Variants in FRMD3 observed in about 807,000 individuals in gnomAD.
The protein encoded by FRMD3 is FERM domain-containing protein 3.
Under a neutral mutation model 70.2 loss-of-function variants are expected in FRMD3, and 33 were observed. The observed-to-expected ratio is 0.47, with a 90% confidence interval of 0.36 to 0.63. FRMD3 has a LOEUF of 0.63. Ranked by LOEUF, FRMD3 falls within the 20% of genes least tolerant of loss-of-function variation. The pLI is 0.00. For synonymous variants in FRMD3, 279 were observed against 255.9 expected, an observed-to-expected ratio of 1.09 and a Z score of -0.86; for missense variants, 632 against 711.4, an observed-to-expected ratio of 0.89 and a Z score of 1.27.
the FRMD3 span, among the ~76,000 whole-genome samples, chr9:83,559,675 C>T: frequency 2.6e-5 from 4 of 152,050 alleles, no homozygotes; most frequent in African/African-American, 4.8e-5. Context: ...GACAAACTTC[C>T]GCAGGACTTG....
chr9:83,246,053 T>C lies in FRMD3; in HGVS notation c.*1865A>G, dbSNP rs1274148818. ...TATAGTCATTTGCTCGACTGCAGGC[T>C]TCACGAACTGAGTTTCAAAACTCAT... On this transcript the variant is annotated 3_prime_UTR_variant, in exon 14 of 14. Coordinates refer to ENST00000304195, the MANE Select transcript of FRMD3 (RefSeq NM_174938.6). The C allele has an allele frequency of 2.0e-6, 2 of 985,278 alleles. No individual in the cohort carries two copies. The highest frequency in any genetic ancestry group is 1.7e-5 in the African/African-American group (1 of 57,216). 61.0% of individuals were successfully genotyped at this position (985,278 alleles called of 1,614,324 possible). A position where few individuals can be genotyped will look rare whatever the true frequency, so the allele number is the denominator to read the frequency against.
chr9:83,421,034 A>G (rs6559724), intron 1 of FRMD3, among the ~76,000 whole-genome samples: 82,985 of 144,502 alleles, frequency 0.57, 24,504 homozygotes, highest in African/African-American at 0.77. Context: ...TCCGCCTCCC[A>G]GGTTCACGCC....
At chr9:83,265,104 A>G (rs1376766343) in intron 13 of FRMD3, among the ~76,000 whole-genome samples, 1 of 152,196 alleles carries the variant, frequency 6.6e-6, no homozygotes, top group Non-Finnish European at 1.5e-5. Flanking sequence ...TGTGCATATA[A>G]AAAGTGCCCG....
chr9:83,467,160 T>A (rs1324315906), intron 1 of FRMD3, among the ~76,000 whole-genome samples: 1 of 152,240 alleles, frequency 6.6e-6, no homozygotes, highest in East Asian at 1.9e-4. Flanking sequence ...ACAGAAAACA[T>A]TCATGGTAAA....
intron 1 of FRMD3, among the ~76,000 whole-genome samples, chr9:83,530,716 A>G (rs532392109): frequency 6.6e-6 from 1 of 152,184 alleles, no homozygotes; most frequent in Non-Finnish European, 1.5e-5. Flanking sequence ...TTTTTTTAAT[A>G]GCATGGACTC....
At chr9:83,295,813 C>A (rs553480657) in intron 12 of FRMD3, among the ~76,000 whole-genome samples, 10 of 152,348 alleles carry the variant, frequency 6.6e-5, no homozygotes, top group Admixed American at 1.3e-4. Flanking sequence ...CTGGAACAGG[C>A]AGATGATTGT....
At chr9:83,249,679 C>T (rs550368868) in intron 13 of FRMD3, among the ~76,000 whole-genome samples, 2 of 152,252 alleles carry the variant, frequency 1.3e-5, no homozygotes, top group South Asian at 4.2e-4. Flanking sequence ...TACAAAAGGT[C>T]AACAAGCACA....
chr9:83,551,241 T>G, the FRMD3 span, among the ~76,000 whole-genome samples: 1 of 152,140 alleles, frequency 6.6e-6, no homozygotes, highest in Non-Finnish European at 1.5e-5. Flanking sequence ...AATCATATGG[T>G]TTTTGCTTTA....
At chr9:83,551,902 A>AT in the FRMD3 span, among the ~76,000 whole-genome samples, 7 of 139,266 alleles carry the variant, frequency 5.0e-5, no homozygotes, top group Admixed American at 1.4e-4. Context: ...TATTTCATTG[A>AT]TTTTTTTCAA....
In FRMD3 at chr9:83,247,306, A is replaced by G. The variant is rs1694812648; in HGVS notation, c.*612T>C. The G allele has an allele frequency of 1.0e-6, 1 of 984,988 alleles. No homozygotes were observed. Among genetic ancestry groups the G allele is most frequent in the Non-Finnish European group, 1.2e-6 (1 of 829,646 alleles). 61.0% of individuals were successfully genotyped at this position (984,988 alleles called of 1,614,324 possible). On this transcript the variant is annotated 3_prime_UTR_variant, in exon 14 of 14. Transcript: ENST00000304195. ...ATATTTTTAAAAACAAAGTAGCGCC[A>G]AAACATTAAAAAAATTCTGATATAC...
In FRMD3 at chr9:83,337,457, C is replaced by G. The variant is rs79127911; in HGVS notation, c.473-1818G>C. Among the ~76,000 whole-genome samples the G allele has an allele frequency of 3.3e-3, 498 of 152,236 alleles. 4 individuals are homozygous for G. The highest frequency in any genetic ancestry group is 0.012 in the African/African-American group (486 of 41,540). On this transcript the variant is annotated intron_variant, in intron 5 of 13. Transcript: ENST00000304195. ...GCCAAGCAGAGATGGGTGTGTGAAC[C>G]ACAGCATGGAGGGGCAAAGGTGATG...
At chr9:83,264,142 C>G (rs1833119705) in intron 13 of FRMD3, among the ~76,000 whole-genome samples, 1 of 152,080 alleles carries the variant, frequency 6.6e-6, no homozygotes, top group African/African-American at 2.4e-5. Context: ...TTATTCAGTG[C>G]TAAGAAATGC....
chr9:83,528,096 G>A (rs1488004698), intron 1 of FRMD3, among the ~76,000 whole-genome samples: 2 of 152,070 alleles, frequency 1.3e-5, no homozygotes, highest in African/African-American at 2.4e-5. Flanking sequence ...GATTCAAATG[G>A]TTTACAGTTT....
chr9:83,571,714 C>T, the FRMD3 span, among the ~76,000 whole-genome samples: 1 of 152,214 alleles, frequency 6.6e-6, no homozygotes, highest in South Asian at 2.1e-4. Flanking sequence ...TTCTAGCCTT[C>T]CTGTCTTGCT....
chr9:83,334,486 T>C (rs566124073), intron 6 of FRMD3, among the ~76,000 whole-genome samples: 1 of 152,328 alleles, frequency 6.6e-6, no homozygotes, highest in Admixed American at 6.5e-5. Context: ...GGGACAGTTG[T>C]CTGTTCCAGA....
At chr9:83,271,882 C>T (rs1833566123) in intron 13 of FRMD3, among the ~76,000 whole-genome samples, 1 of 152,196 alleles carries the variant, frequency 6.6e-6, no homozygotes, top group Non-Finnish European at 1.5e-5. Flanking sequence ...CCACTGTTCT[C>T]AGTAGCTCTA....
At chr9:83,289,939 T>C (rs1375655307) in intron 13 of FRMD3, among the ~76,000 whole-genome samples, 1 of 152,178 alleles carries the variant, frequency 6.6e-6, no homozygotes, top group Non-Finnish European at 1.5e-5. Context: ...ACACACATAT[T>C]ATTATTATCT....
At chr9:83,491,439 A>G (rs1415964403) in intron 1 of FRMD3, among the ~76,000 whole-genome samples, 1 of 152,200 alleles carries the variant, frequency 6.6e-6, no homozygotes, top group Admixed American at 6.5e-5. Flanking sequence ...CTCCTCCAGC[A>G]CATACCTGAG....
chr9:83,353,199 T>C (rs577999853), intron 3 of FRMD3, among the ~76,000 whole-genome samples: 1 of 146,746 alleles, frequency 6.8e-6, no homozygotes, highest in East Asian at 2.0e-4. Flanking sequence ...TCTGTCACAG[T>C]GATCCAGGAG....
Sources: gnomAD v4.1 joint callset for allele counts (sites outside exome capture counted in the v4.1 genomes callset) on GRCh38, gnomAD v4.1.1 for gene constraint, MANE v1.5 for transcripts, NCBI Gene and HGNC (gene_info 2026-07-23, HGNC 2026-07-21) for gene names.